PRKD1: variants seen among roughly 807,000 people sequenced by gnomAD.
The protein encoded by PRKD1 is serine/threonine-protein kinase D1.
A neutral mutation model predicts 95.9 loss-of-function variants in PRKD1; 63 were observed. That is an observed-to-expected ratio of 0.66 (90% confidence interval 0.54 to 0.81). PRKD1 has a LOEUF of 0.81. Among genes scored for constraint, PRKD1 ranks in the 30% least tolerant of loss-of-function variants. PRKD1 has a pLI of 0.00. For synonymous variants in PRKD1, 425 were observed against 423.1 expected (o/e 1.00, Z -0.05); for missense variants, 1,048 against 1,165.3 (o/e 0.90, Z 1.47).
At chr14:29,747,036 CT>C (rs1294307784) in intron 1 of PRKD1, among the ~76,000 whole-genome samples, 1 of 152,114 alleles carries the variant, frequency 6.6e-6, no homozygotes, top group African/African-American at 2.4e-5. Context: ...ACGTAAGTAG[CT>C]TTAAAACGTT....
chr14:29,849,748 TAA>T (rs574683023), intron 1 of PRKD1, among the ~76,000 whole-genome samples: 2 of 146,374 alleles, frequency 1.4e-5, no homozygotes, highest in African/African-American at 5.0e-5. Flanking sequence ...TCTGATAATA[TAA>T]AAAAAAAACT....
At chr14:29,670,042 C>T (rs1368261462) in intron 2 of PRKD1, among the ~76,000 whole-genome samples, 2 of 152,136 alleles carry the variant, frequency 1.3e-5, no homozygotes, top group Non-Finnish European at 2.9e-5. Flanking sequence ...CCCCAATACA[C>T]TTCTGTAACT....
chr14:29,639,614 C>T (rs1254405471), intron 4 of PRKD1, among the ~76,000 whole-genome samples: 4 of 148,404 alleles, frequency 2.7e-5, no homozygotes, highest in African/African-American at 1.0e-4. Flanking sequence ...AGTGAAACTC[C>T]ATCTCAAAAA....
At chr14:29,861,010 T>A (rs73261539) in intron 1 of PRKD1, among the ~76,000 whole-genome samples, 5,219 of 152,256 alleles carry the variant, frequency 0.034, 319 homozygotes, top group African/African-American at 0.12. Flanking sequence ...CGAACCTAGA[T>A]GAAATGGACC....
At chr14:29,731,497 TTC>T (rs1340653203) in intron 1 of PRKD1, among the ~76,000 whole-genome samples, 11 of 152,214 alleles carry the variant, frequency 7.2e-5, no homozygotes, top group East Asian at 1.9e-4. Context: ...CTTAATAATT[TTC>T]TGTTTGTTCT....
intron 2 of PRKD1, among the ~76,000 whole-genome samples, chr14:29,678,919 A>G (rs917955994): frequency 2.0e-5 from 3 of 152,202 alleles, no homozygotes; most frequent in African/African-American, 7.2e-5. Context: ...TAAATACTAA[A>G]AACAGGGGAC....
At chr14:29,713,326 G>A (rs1170942346) in intron 2 of PRKD1, among the ~76,000 whole-genome samples, 1 of 152,056 alleles carries the variant, frequency 6.6e-6, no homozygotes, top group African/African-American at 2.4e-5. Context: ...CCTGCATTCA[G>A]AATGCTACTA....
chr14:29,747,065 AT>A (rs903748671), intron 1 of PRKD1, among the ~76,000 whole-genome samples: 1 of 152,164 alleles, frequency 6.6e-6, no homozygotes, highest in African/African-American at 2.4e-5. Context: ...AAATTTACAA[AT>A]CCTTAGGATG....
At chr14:29,578,441 A>T in intron 16 of PRKD1, 81 bp from the exon 17 acceptor site, 1 of 979,112 alleles carries the variant, frequency 1.0e-6, no homozygotes, top group Non-Finnish European at 1.5e-6. Flanking sequence ...CACATCTGCT[A>T]TTTCACACAG....
chr14:29,901,659 C>T (rs757584028), intron 1 of PRKD1, among the ~76,000 whole-genome samples: 18 of 152,154 alleles, frequency 1.2e-4, no homozygotes, highest in Non-Finnish European at 2.1e-4. Flanking sequence ...ACATTTGCAT[C>T]TATATCAACA....
Position 29,920,601 on chromosome 14 carries a change from C to CACACAA in PRKD1, c.264+6647_264+6648insTTGTGT, listed in dbSNP as rs1025591442. ...TTCCAGTCTAATACACACACACACA[C>CACACAA]ACACACACACACACACACACACACA... On this transcript the variant is annotated intron_variant, in intron 1 of 17. Coordinates refer to ENST00000331968, the MANE Select transcript of PRKD1 (RefSeq NM_002742.3). 3.7e-4 allele frequency among the ~76,000 whole-genome samples: 55 copies of CACACAA among 149,860 alleles called. 1 individual carries two copies. The highest frequency in any genetic ancestry group is 2.1e-3 in the Admixed American group (31 of 15,104).
intron 4 of PRKD1, among the ~76,000 whole-genome samples, chr14:29,640,658 C>G (rs989524663): frequency 6.6e-6 from 1 of 152,134 alleles, no homozygotes; most frequent in African/African-American, 2.4e-5. Flanking sequence ...GGGTAAACTC[C>G]CTGTTCCAGT....
At chr14:29,637,060 T>C (rs1453857509) in intron 6 of PRKD1, among the ~76,000 whole-genome samples, 1 of 152,150 alleles carries the variant, frequency 6.6e-6, no homozygotes, top group Admixed American at 6.6e-5. Flanking sequence ...ATGAAAAACC[T>C]TGGAAGGAAG....
intron 1 of PRKD1, among the ~76,000 whole-genome samples, chr14:29,732,422 T>G (rs1425213604): frequency 3.9e-5 from 6 of 152,186 alleles, no homozygotes; most frequent in African/African-American, 1.4e-4. Context: ...TCTTCCTGCC[T>G]TTATGCTATT....
intron 2 of PRKD1, among the ~76,000 whole-genome samples, chr14:29,700,091 T>C (rs1462775575): frequency 2.1e-5 from 1 of 46,750 alleles, no homozygotes; most frequent in African/African-American, 1.4e-4. Context: ...TTATCCCTTC[T>C]TTTTTTTTTT....
chr14:29,707,229 G>T (rs984838782), intron 2 of PRKD1, among the ~76,000 whole-genome samples: 1 of 152,008 alleles, frequency 6.6e-6, no homozygotes, highest in Non-Finnish European at 1.5e-5. Context: ...GGCTTTAGAA[G>T]TTACTAGGAT....
chr14:29,668,383 A>T (rs1465179804), intron 2 of PRKD1, among the ~76,000 whole-genome samples: 3 of 152,182 alleles, frequency 2.0e-5, no homozygotes, highest in East Asian at 1.9e-4. Flanking sequence ...TGTCATAATC[A>T]ATCAGCCAAC....
intron 1 of PRKD1, among the ~76,000 whole-genome samples, chr14:29,899,725 T>C (rs1255541527): frequency 6.6e-6 from 1 of 152,240 alleles, no homozygotes; most frequent in Non-Finnish European, 1.5e-5. Flanking sequence ...TCAGTAATGT[T>C]ATTAATGAAT....
chr14:29,734,028 C>CTTTTTTTTTTTTTTTTTTTTTTTT (rs58908662), intron 1 of PRKD1, among the ~76,000 whole-genome samples: 2 of 64,670 alleles, frequency 3.1e-5, no homozygotes, highest in Admixed American at 2.2e-4. Flanking sequence ...ACTTTCCTGC[C>CTTTTTTTTTTTTTTTTTTTTTTTT]TTTTTTTTTT....
Sources: gnomAD v4.1 joint callset for allele counts (sites outside exome capture counted in the v4.1 genomes callset) on GRCh38, gnomAD v4.1.1 for gene constraint, MANE v1.5 for transcripts, NCBI Gene and HGNC (gene_info 2026-07-23, HGNC 2026-07-21) for gene names.